Variants in NRXN1 observed in about 807,000 individuals in gnomAD.
NRXN1 encodes neurexin 1.
In NRXN1, 39 loss-of-function variants were observed where a neutral mutation model predicts 150.9. The ratio of observed to expected loss-of-function variants is 0.26; its 90% confidence interval spans 0.20 to 0.34. The LOEUF (loss-of-function observed/expected upper bound fraction) is 0.34, where lower values mean the gene tolerates loss of function less well. Among genes scored for constraint, NRXN1 ranks in the 10% least tolerant of loss-of-function variants. NRXN1 has a pLI of 1.00. For synonymous variants in NRXN1, 924 were observed against 757.0 expected (o/e 1.22, Z -3.62); for missense variants, 1,815 against 1,949.9 (o/e 0.93, Z 1.30).
At chr2:50,860,999 G>T (rs1230263979) in intron 5 of NRXN1, among the ~76,000 whole-genome samples, 1 of 152,066 alleles carries the variant, frequency 6.6e-6, no homozygotes, top group Non-Finnish European at 1.5e-5. Flanking sequence ...AATTTGGGGA[G>T]AGGAGGGGAT....
At chr2:49,956,305 T>C (rs1331647055) in intron 21 of NRXN1, among the ~76,000 whole-genome samples, 1 of 152,170 alleles carries the variant, frequency 6.6e-6, no homozygotes, top group East Asian at 1.9e-4. Flanking sequence ...ACCAAAGATG[T>C]TCTATGTTCT....
chr2:50,914,577 G>T (rs1186096147), intron 5 of NRXN1, among the ~76,000 whole-genome samples: 1 of 151,646 alleles, frequency 6.6e-6, no homozygotes, highest in Non-Finnish European at 1.5e-5. Context: ...TGTGAAAGTG[G>T]TTTTTAAATC....
At chr2:50,083,155 G>C (rs1351995181) in intron 19 of NRXN1, among the ~76,000 whole-genome samples, 1 of 152,094 alleles carries the variant, frequency 6.6e-6, no homozygotes, top group Non-Finnish European at 1.5e-5. Context: ...AAGTTTCCTG[G>C]GATGGAACAA....
intron 17 of NRXN1, among the ~76,000 whole-genome samples, chr2:50,306,865 T>C (rs2074663452): frequency 1.3e-5 from 2 of 152,214 alleles, no homozygotes; most frequent in African/African-American, 4.8e-5. Flanking sequence ...TATTTTCCTA[T>C]TTTATAAATA....
chr2:50,710,074 C>T (rs1411879350), intron 5 of NRXN1, among the ~76,000 whole-genome samples: 1 of 152,072 alleles, frequency 6.6e-6, no homozygotes, highest in Non-Finnish European at 1.5e-5. Context: ...CAAGATTTTC[C>T]TATATAAAGA....
intron 17 of NRXN1, among the ~76,000 whole-genome samples, chr2:50,280,057 T>G (rs1347131728): frequency 1.3e-5 from 2 of 151,984 alleles, no homozygotes; most frequent in East Asian, 3.9e-4. Flanking sequence ...GGCGGGTGGA[T>G]CACGAGGTCA....
intron 18 of NRXN1, among the ~76,000 whole-genome samples, chr2:50,183,314 T>C (rs1053959330): frequency 6.6e-6 from 1 of 152,000 alleles, no homozygotes; most frequent in African/African-American, 2.4e-5. Context: ...TACCACAGGG[T>C]TCATATTTAG....
intron 21 of NRXN1, among the ~76,000 whole-genome samples, chr2:49,971,118 A>G (rs930157763): frequency 6.6e-6 from 1 of 152,126 alleles, no homozygotes; most frequent in Non-Finnish European, 1.5e-5. Context: ...ACAAAGGCCT[A>G]AAGTACTTGG....
chr2:50,747,556 G>T (rs919338333), intron 5 of NRXN1, among the ~76,000 whole-genome samples: 1 of 151,980 alleles, frequency 6.6e-6, no homozygotes, highest in African/African-American at 2.4e-5. Flanking sequence ...TCCAGAGGGT[G>T]GAATTCCAAC....
chr2:50,284,890 T>C (rs1026274536), intron 17 of NRXN1, among the ~76,000 whole-genome samples: 5 of 152,116 alleles, frequency 3.3e-5, no homozygotes, highest in African/African-American at 1.2e-4. Context: ...AACAAAACCA[T>C]TTTACCACAG....
chr2:50,884,633 T>C (rs879604993), intron 5 of NRXN1, among the ~76,000 whole-genome samples: 1 of 151,574 alleles, frequency 6.6e-6, no homozygotes, highest in Non-Finnish European at 1.5e-5. Flanking sequence ...GAGCACATTA[T>C]CTTTCCATGA....
At position 49,965,161 on chromosome 2, in the gene NRXN1, T is replaced by A. The variant is rs557772727; in HGVS notation, c.4129-21370A>T. ...TCCCAAAGTGCTGGGATTACAGGCA[T>A]GAGCCACTATGTCCGGTTTCAAAGT... On this transcript the variant is annotated intron_variant, in intron 21 of 22. Coordinates refer to ENST00000401669, the MANE Select transcript of NRXN1 (RefSeq NM_001330078.2). 1.8e-4 allele frequency among the ~76,000 whole-genome samples: 28 copies of A among 152,080 alleles called. 1 individual carries two copies. The highest frequency in any genetic ancestry group is 6.5e-4 in the African/African-American group (27 of 41,492).
At chr2:50,772,070 G>C (rs1046656026) in intron 5 of NRXN1, among the ~76,000 whole-genome samples, 21 of 152,114 alleles carry the variant, frequency 1.4e-4, no homozygotes, top group Middle Eastern at 3.4e-3. Context: ...CAGGTGACTG[G>C]AGTACTGCCT....
intron 15 of NRXN1, among the ~76,000 whole-genome samples, chr2:50,477,426 G>A (rs773741570): frequency 7.9e-5 from 12 of 152,134 alleles, no homozygotes; most frequent in Non-Finnish European, 1.6e-4. Context: ...ATGAACCTGG[G>A]CCTTAGGGAA....
intron 18 of NRXN1, among the ~76,000 whole-genome samples, chr2:50,092,438 GGCCCTT>G (rs1379489806): frequency 6.6e-6 from 1 of 152,176 alleles, no homozygotes; most frequent in African/African-American, 2.4e-5. Flanking sequence ...CTGTGCTGTA[GGCCCTT>G]GTCAGAACAC....
intron 17 of NRXN1, among the ~76,000 whole-genome samples, chr2:50,405,023 T>C (rs1354985667): frequency 6.6e-6 from 1 of 152,132 alleles, no homozygotes; most frequent in African/African-American, 2.4e-5. Flanking sequence ...CGTTCTGGTC[T>C]AGAATAATCA....
chr2:50,482,059 C>A lies in NRXN1; in HGVS notation c.3071-9588G>T, dbSNP rs548928586. ...CTGGGATTACAGGCGTGAGCCACCG[C>A]GCCCGGCCGAACTTTTGTTTCTTAT... On this transcript the variant is annotated intron_variant, in intron 15 of 22. Transcript: ENST00000401669. 1.1e-3 allele frequency among the ~76,000 whole-genome samples: 174 copies of A among 152,084 alleles called. 5 individuals are homozygous for A. In the South Asian group the frequency reaches 0.035, roughly 30 times the overall value.
intron 17 of NRXN1, among the ~76,000 whole-genome samples, chr2:50,274,644 C>T (rs1325059446): frequency 2.0e-5 from 3 of 152,098 alleles, no homozygotes; most frequent in African/African-American, 4.8e-5. Context: ...ATAGACATCA[C>T]TTTTCAATAT....
chr2:50,824,707 C>A (rs557868838), intron 5 of NRXN1, among the ~76,000 whole-genome samples: 1 of 151,984 alleles, frequency 6.6e-6, no homozygotes, highest in African/African-American at 2.4e-5. Flanking sequence ...AATCTAGGGC[C>A]CAGAAAAAAA....
Sources: allele counts gnomAD v4.1 joint callset (sites outside exome capture counted in the v4.1 genomes callset), GRCh38; gene constraint gnomAD v4.1.1; transcripts MANE v1.5; gene names NCBI Gene and HGNC (gene_info 2026-07-23, HGNC 2026-07-21).